The following UBE2E2 variants were observed in gnomAD, a reference collection of about 807,000 sequenced individuals.
UBE2E2 encodes ubiquitin conjugating enzyme E2 E2.
UBE2E2 carries 6 observed loss-of-function variants against 24.7 expected under a neutral mutation model. The ratio of observed to expected loss-of-function variants is 0.24; its 90% CI spans 0.13 to 0.48. The LOEUF (loss-of-function observed/expected upper bound fraction) is 0.48, where lower values mean the gene tolerates loss of function less well. Ranked by LOEUF, UBE2E2 falls within the 20% of genes least tolerant of loss-of-function variation. UBE2E2 has a pLI of 0.99. For synonymous variants in UBE2E2, 104 were observed against 83.6 expected, an observed-to-expected ratio of 1.24 and a Z score of -1.33; for missense variants, 169 against 245.0, an observed-to-expected ratio of 0.69 and a Z score of 2.07.
At chr3:23,253,816 A>G (rs111393945) in intron 3 of UBE2E2, among the ~76,000 whole-genome samples, 1 of 152,358 alleles carries the variant, frequency 6.6e-6, no homozygotes, top group Non-Finnish European at 1.5e-5. Flanking sequence ...GGACTAGATT[A>G]TATGTAAATT....
chr3:23,493,763 A>T (rs1242623614), intron 3 of UBE2E2, among the ~76,000 whole-genome samples: 1 of 152,134 alleles, frequency 6.6e-6, no homozygotes, highest in Admixed American at 6.6e-5. Context: ...TTACAGAATC[A>T]TTATTTTTTT....
chr3:23,389,593 C>A, intron 3 of UBE2E2: 1 of 254,980 alleles, frequency 3.9e-6, no homozygotes, highest in Non-Finnish European at 8.1e-6. Context: ...TAGCTCTCAT[C>A]TTCAAGTTCC....
intron 5 of UBE2E2, among the ~76,000 whole-genome samples, chr3:23,588,790 A>C (rs1438514490): frequency 7.2e-5 from 11 of 152,168 alleles, no homozygotes; most frequent in African/African-American, 2.7e-4. Flanking sequence ...AGCTCCTTAG[A>C]AATCCATGTC....
At chr3:23,519,474 C>G (rs758288890) in intron 4 of UBE2E2, among the ~76,000 whole-genome samples, 1 of 152,102 alleles carries the variant, frequency 6.6e-6, no homozygotes, top group Non-Finnish European at 1.5e-5. Context: ...GGTTAGTTAA[C>G]TACATCTATT....
intron 4 of UBE2E2, among the ~76,000 whole-genome samples, chr3:23,502,067 A>G (rs1292454670): frequency 6.6e-6 from 1 of 152,140 alleles, no homozygotes; most frequent in Non-Finnish European, 1.5e-5. Flanking sequence ...GGGAGAAAAA[A>G]CTTGGGGTGT....
intron 5 of UBE2E2, among the ~76,000 whole-genome samples, chr3:23,549,049 T>C (rs1199325544): frequency 6.6e-6 from 1 of 152,222 alleles, no homozygotes; most frequent in East Asian, 1.9e-4. Context: ...TCTTAATAAA[T>C]GGCCTCTTTC....
intron 4 of UBE2E2, among the ~76,000 whole-genome samples, chr3:23,525,977 C>T (rs10510539): frequency 0.19 from 29,295 of 152,142 alleles, 2,817 homozygotes; most frequent in Middle Eastern, 0.23. Context: ...GGACCGCAAA[C>T]AATTCCTTAT....
intron 3 of UBE2E2, among the ~76,000 whole-genome samples, chr3:23,233,295 A>G (rs1313808079): frequency 6.6e-6 from 1 of 152,178 alleles, no homozygotes; most frequent in African/African-American, 2.4e-5. Context: ...ATTCTTATCA[A>G]AGCTGTTGTA....
chr3:23,350,229 C>G (rs1048244528), intron 3 of UBE2E2, among the ~76,000 whole-genome samples: 3 of 152,168 alleles, frequency 2.0e-5, no homozygotes, highest in Non-Finnish European at 4.4e-5. Flanking sequence ...ACCAAAAACC[C>G]ATCTGTACAT....
At chr3:23,547,587 C>G (rs571808446) in intron 5 of UBE2E2, among the ~76,000 whole-genome samples, 4 of 152,220 alleles carry the variant, frequency 2.6e-5, no homozygotes, top group Admixed American at 6.5e-5. Context: ...TCAGAAACAC[C>G]TGTACCTGAT....
chr3:23,256,066 G>T (rs1033196867), intron 3 of UBE2E2, among the ~76,000 whole-genome samples: 1 of 152,208 alleles, frequency 6.6e-6, no homozygotes, highest in Admixed American at 6.5e-5. Context: ...AGACAGCACT[G>T]TGCTGCCTAT....
chr3:23,465,093 C>T (rs1015796301), intron 3 of UBE2E2, among the ~76,000 whole-genome samples: 1 of 152,186 alleles, frequency 6.6e-6, no homozygotes, highest in African/African-American at 2.4e-5. Context: ...TTATTGACTT[C>T]TTATTGTTAT....
chr3:23,418,823 G>C (rs1697718338), intron 3 of UBE2E2, among the ~76,000 whole-genome samples: 1 of 152,206 alleles, frequency 6.6e-6, no homozygotes, highest in Non-Finnish European at 1.5e-5. Context: ...ATCAGATTTA[G>C]TGGTATTTAA....
chr3:23,275,651 T>A (rs1388476424), intron 3 of UBE2E2, among the ~76,000 whole-genome samples: 1 of 152,188 alleles, frequency 6.6e-6, no homozygotes, highest in Non-Finnish European at 1.5e-5. Flanking sequence ...TATTCTCAGT[T>A]TTATAGGTAG....
intron 3 of UBE2E2, among the ~76,000 whole-genome samples, chr3:23,256,832 T>C (rs1268040278): frequency 6.6e-6 from 1 of 152,332 alleles, no homozygotes; most frequent in Non-Finnish European, 1.5e-5. Context: ...TTTGTCCTTA[T>C]TACTGTCCAT....
rs11399749 is a variant in UBE2E2 at position 23,418,956 on chromosome 3, CT to C, written c.228-80637del. ...TCTGATTTTTCTTTCACAAATGTTA[CT>C]TTTTTTTTTTTTTTGAGTCAGGGTC... On this transcript the variant is annotated intron_variant, in intron 3 of 5. Coordinates refer to ENST00000396703, the MANE Select transcript of UBE2E2 (RefSeq NM_152653.4). 2.9e-3 allele frequency among the ~76,000 whole-genome samples: 403 copies of C among 141,298 alleles called. 2 individuals are homozygous for C. Among genetic ancestry groups the C allele is most frequent in the African/African-American group, 5.5e-3 (208 of 38,122 alleles). The allele number at this position is 141,298 out of a possible 152,430, so 92.7% of individuals were successfully genotyped here.
At chr3:23,354,470 C>A (rs867076624) in intron 3 of UBE2E2, among the ~76,000 whole-genome samples, 9 of 152,072 alleles carry the variant, frequency 5.9e-5, no homozygotes, top group South Asian at 4.1e-4. Flanking sequence ...TGAAAATTTT[C>A]GCAACCTACT....
chr3:23,537,824 A>G (rs1695301148), intron 5 of UBE2E2, among the ~76,000 whole-genome samples: 1 of 152,200 alleles, frequency 6.6e-6, no homozygotes, highest in Non-Finnish European at 1.5e-5. Flanking sequence ...AAATTTTACA[A>G]TTGATAGTGA....
intron 3 of UBE2E2, among the ~76,000 whole-genome samples, chr3:23,295,495 C>A (rs758523398): frequency 9.2e-5 from 14 of 152,242 alleles, no homozygotes; most frequent in Non-Finnish European, 1.2e-4. Flanking sequence ...CCAACGGGGA[C>A]AACACCACTG....
Sources: gnomAD v4.1 joint callset for allele counts (sites outside exome capture counted in the v4.1 genomes callset) on GRCh38, gnomAD v4.1.1 for gene constraint, MANE v1.5 for transcripts, NCBI Gene and HGNC (gene_info 2026-07-23, HGNC 2026-07-21) for gene names.